ECT2: variants seen among roughly 807,000 people sequenced by gnomAD.
ECT2 encodes the protein epithelial cell transforming 2.
ECT2 carries 61 observed loss-of-function variants against 116.9 expected under a neutral mutation model. The observed-to-expected ratio is 0.52, with a 90% CI of 0.42 to 0.65. The LOEUF (loss-of-function observed/expected upper bound fraction) is 0.65. Ranked by LOEUF, ECT2 falls within the 30% of genes least tolerant of loss-of-function variation. ECT2 has a pLI of 0.00. For missense variants in ECT2, 937 were observed against 1,078.7 expected (o/e 0.87, Z 1.84); for synonymous variants, 358 against 346.4 (o/e 1.03, Z -0.37).
chr3:172,773,809 C>A, intron 13 of ECT2, 94 bp from the exon 14 acceptor site: 1 of 1,251,426 alleles, frequency 8.0e-7, no homozygotes, highest in South Asian at 1.4e-5. Context: ...ACTTCCTTCT[C>A]TATTAATATC....
chr3:172,829,023 G>T, the ECT2 span: 6 of 854,566 alleles, frequency 7.0e-6, no homozygotes, highest in Non-Finnish European at 1.2e-5. Context: ...ACTCCTGTCT[G>T]GCCACCTGGA....
At chr3:172,755,620 T>C in intron 4 of ECT2, 45 bp downstream of exon 4, 1 of 1,017,286 alleles carries the variant, frequency 9.8e-7, no homozygotes, top group Non-Finnish European at 1.4e-6. Flanking sequence ...GCACTTCCCT[T>C]GATTGTATTA....
intron 17 of ECT2, among the ~76,000 whole-genome samples, chr3:172,785,644 ATC>A (rs1239959710): frequency 6.6e-6 from 1 of 152,188 alleles, no homozygotes; most frequent in Non-Finnish European, 1.5e-5. Flanking sequence ...TGACTGTTTA[ATC>A]TGTTATTTTC....
chr3:172,766,136 T>G (rs1348550202), intron 12 of ECT2, among the ~76,000 whole-genome samples: 1 of 152,218 alleles, frequency 6.6e-6, no homozygotes, highest in Admixed American at 6.5e-5. Flanking sequence ...GGGTATTCAC[T>G]AAATACTTAA....
intron 5 of ECT2, among the ~76,000 whole-genome samples, chr3:172,758,150 G>A (rs908692722): frequency 5.3e-5 from 8 of 152,180 alleles, no homozygotes; most frequent in Non-Finnish European, 8.8e-5. Context: ...ATGAGCCACC[G>A]TGCCCCGCTT....
chr3:172,758,978 A>G lies in ECT2; in HGVS notation c.487-2A>G. 2 of 1,607,088 alleles carry G rather than the reference A, an allele frequency of 1.2e-6. No homozygotes were observed. Among genetic ancestry groups the G allele is most frequent in the Non-Finnish European group, 1.7e-6 (2 of 1,177,070 alleles). ...CACATTTAAAATTGTTGTATCCTTC[A>G]GCCTTTGCCATTTTCATGTCGCCCG... On this transcript the variant is annotated splice_acceptor_variant, in intron 5 of 24. Transcript: ENST00000392692. LOFTEE classifies it high-confidence loss of function.
Position 172,786,556 on chromosome 3 carries a change from C to T in ECT2, c.1889C>T (p.Ser630Leu). 1.2e-6 allele frequency: 2 copies of T among 1,609,252 alleles called. No homozygotes were observed. The highest frequency in any genetic ancestry group is 1.7e-6 in the Non-Finnish European group (2 of 1,176,542). ...DKSTLEKAIG[S>L]LKEVMTHINE... ...AGCACTTTAGAAAAAGCTATTGGAT[C>T]ACTGAAGGAAGTAATGACGTAAGTG... Residue 630 changes from serine to leucine, a missense_variant, in exon 18 of 25, where the codon TCA (serine) becomes TTA (leucine). Physicochemically the swap from Ser to Leu is moderately radical, Grantham distance 145. Transcript: ENST00000392692.
intron 17 of ECT2, among the ~76,000 whole-genome samples, chr3:172,786,088 C>G (rs527468825): frequency 7.2e-5 from 11 of 152,268 alleles, no homozygotes; most frequent in African/African-American, 2.6e-4. Context: ...GTAACAAAAT[C>G]TGTGCTTAAA....
chr3:172,806,131 A>G (rs774887820), intron 21 of ECT2: 13 of 272,994 alleles, frequency 4.8e-5, no homozygotes, highest in Non-Finnish European at 7.7e-5. Context: ...TTAAATGGCT[A>G]TGTATTAAAA....
At chr3:172,766,544 G>C (rs1274046492) in intron 12 of ECT2, among the ~76,000 whole-genome samples, 2 of 152,204 alleles carry the variant, frequency 1.3e-5, no homozygotes, top group African/African-American at 4.8e-5. Context: ...TGCTGAACCA[G>C]AGTATGTGGT....
At chr3:172,765,727 GCTTT>G (rs1477064408) in intron 12 of ECT2, among the ~76,000 whole-genome samples, 2 of 152,030 alleles carry the variant, frequency 1.3e-5, no homozygotes, top group Non-Finnish European at 2.9e-5. Context: ...TCACTTAATG[GCTTT>G]CTATTACTGT....
chr3:172,802,719 T>C lies in ECT2; in HGVS notation c.1986+25T>C, dbSNP rs369572540. 113 of 1,543,656 alleles carry C rather than the reference T, an allele frequency of 7.3e-5. 1 individual carries two copies. In the East Asian group the frequency reaches 2.0e-3, roughly 27 times the overall value. ...AGTAAGTATTCTTCTTTAACAATTATTAATTTATTTTCTTCTTGTTAATGA... is the reference window on the plus strand; with the variant it reads ...AGTAAGTATTCTTCTTTAACAATTACTAATTTATTTTCTTCTTGTTAATGA... On this transcript the variant is annotated intron_variant, in intron 19 of 24. Transcript: ENST00000392692.
chr3:172,754,841 G>T (rs1007569594), intron 2 of ECT2, among the ~76,000 whole-genome samples, 181 bp downstream of exon 2: 1 of 152,070 alleles, frequency 6.6e-6, no homozygotes, highest in Non-Finnish European at 1.5e-5. Flanking sequence ...TGGGTTATTT[G>T]TATGCTTTGC....
At chr3:172,805,639 A>G in intron 20 of ECT2, 92 bp from the exon 21 acceptor site, 1 of 1,226,774 alleles carries the variant, frequency 8.2e-7, no homozygotes, top group Non-Finnish European at 1.1e-6. Flanking sequence ...AGTTATATAT[A>G]GATTTATGTG....
chr3:172,755,710 A>G, intron 4 of ECT2, 135 bp downstream of exon 4: 1 of 402,672 alleles, frequency 2.5e-6, no homozygotes, highest in Non-Finnish European at 4.4e-6. Context: ...ACTGTTTTAT[A>G]CTTTTTAACT....
intron 1 of ECT2, among the ~76,000 whole-genome samples, chr3:172,751,848 G>GA (rs999993228): frequency 6.6e-6 from 1 of 151,862 alleles, no homozygotes; most frequent in Non-Finnish European, 1.5e-5. Flanking sequence ...ACAGTAATTT[G>GA]AAAAAAAGTG....
chr3:172,774,006 T>TACA lies in ECT2; in HGVS notation c.1533_1535dup (p.Val511_His512insGln). The TACA allele has an allele frequency of 6.2e-7, 1 of 1,611,722 alleles. No homozygotes were observed. The highest frequency in any genetic ancestry group is 8.5e-7 in the Non-Finnish European group (1 of 1,177,852). On this transcript the variant is annotated inframe_insertion, in exon 14 of 25. Coordinates refer to ENST00000392692, the MANE Select transcript of ECT2 (RefSeq NM_001258315.2). ...GGTAGCATCCCAGATATCTTTGATGTACACACTAAGATAAAGGTAAATTTG... is the reference window on the plus strand; with the variant it reads ...GGTAGCATCCCAGATATCTTTGATGTACAACACACTAAGATAAAGGTAAATTTG...
At chr3:172,791,019 A>T (rs113732391) in intron 18 of ECT2, among the ~76,000 whole-genome samples, 9,350 of 152,224 alleles carry the variant, frequency 0.061, 967 homozygotes, top group African/African-American at 0.21. Flanking sequence ...GCTGGGTGTG[A>T]TGATGCACAC....
intron 4 of ECT2, among the ~76,000 whole-genome samples, chr3:172,756,580 T>C (rs1717030855): frequency 6.6e-6 from 1 of 152,194 alleles, no homozygotes. Flanking sequence ...ACTTTATGTA[T>C]GGTATCATTT....
Sources: gnomAD v4.1 joint callset for allele counts (sites outside exome capture counted in the v4.1 genomes callset) on GRCh38, gnomAD v4.1.1 for gene constraint, MANE v1.5 for transcripts, NCBI Gene and HGNC (gene_info 2026-07-23, HGNC 2026-07-21) for gene names.